Variants in PMP22 observed in about 807,000 individuals in gnomAD.
The protein encoded by PMP22 is Charcot-Marie-Tooth neuropathy 1A (greatly reduced nerve conduction velocity, hereditary motor sensory neuropathy Ia).
Under a neutral mutation model 18.9 loss-of-function variants are expected in PMP22, and 2 were observed. The observed-to-expected ratio is 0.11, with a 90% CI of 0.04 to 0.33. The LOEUF (loss-of-function observed/expected upper bound fraction) is 0.33. Ranked by LOEUF, PMP22 falls within the 10% of genes least tolerant of loss-of-function variation. The pLI is 1.00. For synonymous variants in PMP22, 95 were observed against 89.2 expected (o/e 1.07, Z -0.37); for missense variants, 169 against 202.2 (o/e 0.84, Z 1.00).
At chr17:15,240,808 T>C (rs998351686) in intron 3 of PMP22, among the ~76,000 whole-genome samples, 2 of 152,202 alleles carry the variant, frequency 1.3e-5, no homozygotes, top group African/African-American at 4.8e-5. Context: ...AACTGCCATA[T>C]GTAATGGCTT....
At chr17:15,242,728 G>A (rs80234016) in intron 3 of PMP22, among the ~76,000 whole-genome samples, 3,106 of 152,202 alleles carry the variant, frequency 0.02, 96 homozygotes, top group African/African-American at 0.069. Context: ...TAGATGTATA[G>A]AAAACTTGTG....
At chr17:15,263,580 C>T (rs555816916) in intron 1 of PMP22, among the ~76,000 whole-genome samples, 1 of 107,180 alleles carries the variant, frequency 9.3e-6, no homozygotes, top group Non-Finnish European at 1.9e-5. Context: ...CACGCACGCG[C>T]GCGCACACAC....
Position 15,259,152 on chromosome 17 carries a change from C to A in PMP22, c.120G>T (p.Gln40His), listed in dbSNP as rs761801976. The A allele has an allele frequency of 6.2e-7, 1 of 1,613,992 alleles. No homozygotes were observed. The highest frequency in any genetic ancestry group is 8.5e-7 in the Non-Finnish European group (1 of 1,179,888). The change falls in exon 3 of 5, where the codon CAG (glutamine) becomes CAT (histidine). Residue 40 changes from glutamine to histidine, a missense_variant. Gln to His is a conservative substitution (Grantham distance 24). Transcript: ENST00000312280. ...TTCCTGAGGAAGAGGTGCTACAGTT[C>A]TGCCAGAGATCAGTTGCGTGTCCAT... ...VGNGHATDLW[Q>H]NCSTSSSGNV...
At chr17:15,256,382 C>A (rs893498448) in intron 3 of PMP22, among the ~76,000 whole-genome samples, 1 of 152,186 alleles carries the variant, frequency 6.6e-6, no homozygotes. Context: ...GTGGCTCACA[C>A]CTCTAATCCC....
intron 3 of PMP22, among the ~76,000 whole-genome samples, chr17:15,243,160 CTT>C (rs1907499082): frequency 6.6e-6 from 1 of 151,900 alleles, no homozygotes; most frequent in African/African-American, 2.4e-5. Context: ...AATTAATTGA[CTT>C]AATATGGATA....
intron 3 of PMP22, among the ~76,000 whole-genome samples, chr17:15,245,054 C>A (rs1208647562): frequency 6.6e-6 from 1 of 152,120 alleles, no homozygotes; most frequent in African/African-American, 2.4e-5. Context: ...ATTTTCCTTT[C>A]CTCCAGTGCC....
rs1178034599 is a variant in PMP22 at position 15,230,189 on chromosome 17, T to C, written c.*728A>G. 6.5e-6 allele frequency: 1 copy of C among 152,870 alleles called. No homozygotes were observed. Among genetic ancestry groups the C allele is most frequent in the East Asian group, 1.9e-4 (1 of 5,208 alleles). The allele number at this position is 152,870 out of a possible 1,614,324, so 9.5% of individuals were successfully genotyped here. A position where few individuals can be genotyped will look rare whatever the true frequency, so the allele number is the denominator to read the frequency against. On this transcript the variant is annotated 3_prime_UTR_variant, in exon 5 of 5. Transcript: ENST00000312280. ...GTAAAATTGTTAATTGGATTTCCAG[T>C]GAGTTGTTTAGATGATTAGTGATAA... is the stretch of plus-strand genomic sequence containing the variant.
intron 1 of PMP22, chr17:15,262,526 G>T (rs1432670830): frequency 6.6e-6 from 1 of 152,328 alleles, no homozygotes; most frequent in African/African-American, 2.4e-5. Flanking sequence ...TGCGCTGCGG[G>T]GCTGCGCGCG....
chr17:15,231,220 T>G (rs551680193), intron 4 of PMP22, 140 bp from the exon 5 acceptor site: 1 of 857,220 alleles, frequency 1.2e-6, no homozygotes, highest in Non-Finnish European at 1.9e-6. Context: ...AGGTCCAGAA[T>G]TGAAAGGAGG....
At chr17:15,250,516 G>A (rs1385696097) in intron 3 of PMP22, among the ~76,000 whole-genome samples, 1 of 152,114 alleles carries the variant, frequency 6.6e-6, no homozygotes, top group Non-Finnish European at 1.5e-5. Flanking sequence ...TGACCTCTCT[G>A]ATGGTCAAAA....
At chr17:15,247,430 T>G (rs1050307358) in intron 3 of PMP22, among the ~76,000 whole-genome samples, 1 of 152,176 alleles carries the variant, frequency 6.6e-6, no homozygotes, top group Non-Finnish European at 1.5e-5. Flanking sequence ...TCTGAGAGTG[T>G]CCGGTATAAG....
intron 1 of PMP22, among the ~76,000 whole-genome samples, chr17:15,263,293 T>C (rs1255661894): frequency 6.6e-6 from 1 of 152,060 alleles, no homozygotes; most frequent in African/African-American, 2.4e-5. Context: ...CAGTCGGGCT[T>C]GGCTGTCAGC....
In PMP22 at chr17:15,242,807, G is replaced by C. The variant is rs146484695; in HGVS notation, c.179-3196C>G. ...TCAAACTGACTATAAGGGCAACAAA[G>C]AATATCTCAATAAATATAGAAGCAG... On this transcript the variant is annotated intron_variant, in intron 3 of 4. Coordinates refer to ENST00000312280, the MANE Select transcript of PMP22 (RefSeq NM_000304.4). Among the ~76,000 whole-genome samples the C allele has an allele frequency of 1.2e-3, 176 of 152,112 alleles. 3 individuals are homozygous for C. In the East Asian group the frequency reaches 0.02, roughly 17 times the overall value.
At position 15,241,016 on chromosome 17, in the gene PMP22, G is replaced by A. The variant is rs78471753; in HGVS notation, c.179-1405C>T. 4.1e-3 allele frequency among the ~76,000 whole-genome samples: 618 copies of A among 152,298 alleles called. 2 individuals carry two copies. Among genetic ancestry groups the A allele is most frequent in the Non-Finnish European group, 7.3e-3 (498 of 68,026 alleles). On this transcript the variant is annotated intron_variant, in intron 3 of 4. Coordinates refer to ENST00000312280, the MANE Select transcript of PMP22 (RefSeq NM_000304.4). ...AGGCACAGACTGGAGATATTTTAGA[G>A]TTGGAAGAAACCTGAGAGATCAACT...
chr17:15,256,513 C>T (rs1178319605), intron 3 of PMP22, among the ~76,000 whole-genome samples: 5 of 151,954 alleles, frequency 3.3e-5, no homozygotes, highest in Non-Finnish European at 7.4e-5. Flanking sequence ...TGGTGTTGGG[C>T]GCCTATAATC....
intron 2 of PMP22, 125 bp from the exon 3 acceptor site, chr17:15,259,318 G>T: frequency 1.3e-6 from 1 of 758,724 alleles, no homozygotes. Context: ...GCCCACCCCT[G>T]CATGGTAAGA....
intron 3 of PMP22, among the ~76,000 whole-genome samples, chr17:15,248,636 C>T (rs146897580): frequency 1.3e-5 from 2 of 152,000 alleles, no homozygotes; most frequent in Non-Finnish European, 2.9e-5. Flanking sequence ...ACTCTAGAAA[C>T]AGGGAAACAG....
rs1023311535 is a variant in PMP22 at position 15,230,665 on chromosome 17, G to A, written c.*252C>T. 24 of 513,150 alleles carry A rather than the reference G, an allele frequency of 4.7e-5. No homozygotes were observed. Among genetic ancestry groups the A allele is most frequent in the South Asian group, 3.6e-4 (17 of 47,518 alleles). 31.8% of individuals were successfully genotyped at this position (513,150 alleles called of 1,614,324 possible). ...TAGCTACTTCTTTAAGGCTCAACAC[G>A]AGGCTGATGGTCAACATAAAAAGCA... On this transcript the variant is annotated 3_prime_UTR_variant, in exon 5 of 5. Coordinates refer to ENST00000312280, the MANE Select transcript of PMP22 (RefSeq NM_000304.4).
chr17:15,259,133 A>T lies in PMP22; in HGVS notation c.139T>A (p.Ser47Thr). 6.2e-7 allele frequency: 1 copy of T among 1,614,036 alleles called. No homozygotes were observed. The highest frequency in any genetic ancestry group is 8.5e-7 in the Non-Finnish European group (1 of 1,179,888). The change falls in exon 3 of 5, where the codon TCA (serine) becomes ACA (threonine). Residue 47 changes from serine (S) to threonine (T), a missense_variant. By Grantham distance (58) the Ser-to-Thr change is moderately conservative. Coordinates refer to ENST00000312280, the MANE Select transcript of PMP22 (RefSeq NM_000304.4). The stretch of plus-strand genomic sequence containing the variant: ...GAGAAACAGTGGTGGACATTTCCTG[A>T]GGAAGAGGTGCTACAGTTCTGCCAG... Reference protein sequence around the residue: ...DLWQNCSTSSSGNVHHCFSSS... With the variant: ...DLWQNCSTSSTGNVHHCFSSS...
Sources: allele counts gnomAD v4.1 joint callset (sites outside exome capture counted in the v4.1 genomes callset), GRCh38; gene constraint gnomAD v4.1.1; transcripts MANE v1.5; gene names NCBI Gene and HGNC (gene_info 2026-07-23, HGNC 2026-07-21).